Variants in STK32C observed in about 807,000 individuals in gnomAD.
The protein encoded by STK32C is serine/threonine-protein kinase 32C.
Under a neutral mutation model 56.5 loss-of-function variants are expected in STK32C, and 31 were observed. The ratio of observed to expected loss-of-function variants is 0.55; its 90% CI spans 0.41 to 0.74. The LOEUF (loss-of-function observed/expected upper bound fraction) is 0.74, where lower values mean the gene tolerates loss of function less well. Ranked by LOEUF, STK32C falls within the 30% of genes least tolerant of loss-of-function variation. STK32C has a pLI of 0.00. For synonymous variants in STK32C, 309 were observed against 289.4 expected (o/e 1.07, Z -0.69); for missense variants, 544 against 676.9 (o/e 0.80, Z 2.18).
intron 1 of STK32C, among the ~76,000 whole-genome samples, chr10:132,272,236 A>G (rs2064851010): frequency 6.6e-6 from 1 of 152,236 alleles, no homozygotes; most frequent in Non-Finnish European, 1.5e-5. Flanking sequence ...AGAAAAGATC[A>G]GGACGGAGAC....
At chr10:132,250,639 G>A (rs548672292) in intron 1 of STK32C, among the ~76,000 whole-genome samples, 83 of 151,804 alleles carry the variant, frequency 5.5e-4, no homozygotes, top group Non-Finnish European at 1.0e-3. Flanking sequence ...GAGGTGCCCG[G>A]GACAGGTCAC....
At chr10:132,213,135 C>T (rs530630523) in intron 10 of STK32C, among the ~76,000 whole-genome samples, 5 of 152,344 alleles carry the variant, frequency 3.3e-5, no homozygotes, top group African/African-American at 7.2e-5. Flanking sequence ...TGAAATACAC[C>T]CAGAGCATTC....
intron 10 of STK32C, among the ~76,000 whole-genome samples, chr10:132,210,762 A>G (rs2062268434): frequency 6.6e-6 from 1 of 152,150 alleles, no homozygotes; most frequent in African/African-American, 2.4e-5. Flanking sequence ...AGGGCTCAAC[A>G]CATTTCTTGG....
chr10:132,242,853 G>A (rs1023657274), intron 2 of STK32C, among the ~76,000 whole-genome samples: 2 of 152,102 alleles, frequency 1.3e-5, no homozygotes, highest in African/African-American at 4.8e-5. Context: ...CCAGAGGGGC[G>A]GCTCCTCCAT....
intron 1 of STK32C, among the ~76,000 whole-genome samples, chr10:132,295,042 C>T: frequency 6.6e-6 from 1 of 152,176 alleles, no homozygotes; most frequent in Non-Finnish European, 1.5e-5. Flanking sequence ...TCAGTAAACC[C>T]AGAGAAACAG....
chr10:132,214,281 C>T (rs146394793), intron 10 of STK32C, among the ~76,000 whole-genome samples: 29 of 143,258 alleles, frequency 2.0e-4, no homozygotes, highest in African/African-American at 5.7e-4. Flanking sequence ...TGGGGGGTGG[C>T]GAGGAATTCT....
chr10:132,210,618 T>A (rs890059741), intron 10 of STK32C, among the ~76,000 whole-genome samples: 1 of 152,010 alleles, frequency 6.6e-6, no homozygotes, highest in African/African-American at 2.4e-5. Context: ...ACGAACAGAG[T>A]GTGGGAGATG....
intron 2 of STK32C, among the ~76,000 whole-genome samples, chr10:132,233,680 G>A (rs1183301064): frequency 6.6e-6 from 1 of 152,250 alleles, no homozygotes; most frequent in Non-Finnish European, 1.5e-5. Flanking sequence ...TTTGTCCCAA[G>A]AGGCTGGGAA....
At position 132,307,663 on chromosome 10, in the gene STK32C, G is replaced by C; in HGVS notation, c.171C>G (p.Pro57=). Residue 57 remains proline (P), a synonymous_variant, in exon 1 of 12, where the codon CCC becomes CCG. Transcript: ENST00000298630. The surrounding 1 kb of genome is among the most constrained non-coding windows in gnomAD (Gnocchi z 4.4). ...DSGDVRSQPR[P]LFQWSKWKKR... ...TCTTCCACTTGCTCCACTGAAACAG[G>C]GGGCGCGGCTGCGAGCGGACATCGC... The C allele has an allele frequency of 6.5e-7, 1 of 1,539,236 alleles. No individual in the cohort carries two copies. Among genetic ancestry groups the C allele is most frequent in the Non-Finnish European group, 8.7e-7 (1 of 1,145,416 alleles).
intron 1 of STK32C, among the ~76,000 whole-genome samples, chr10:132,291,566 T>C (rs532243953): frequency 1.2e-4 from 19 of 152,282 alleles, no homozygotes; most frequent in African/African-American, 4.3e-4. Flanking sequence ...CCAATGGAGT[T>C]GGGCCTGGAG....
At chr10:132,312,590 T>C (rs2066242558), upstream of STK32C, among the ~76,000 whole-genome samples, 1 of 152,098 alleles carries the variant, frequency 6.6e-6, no homozygotes, top group Non-Finnish European at 1.5e-5. Flanking sequence ...CCCAAGTAAG[T>C]TCAAATCCAG....
chr10:132,209,311 C>T, intron 10 of STK32C: 1 of 709,504 alleles, frequency 1.4e-6, no homozygotes, highest in Non-Finnish European at 2.6e-6. Flanking sequence ...CCGAGGATGC[C>T]AAGGCCCAGC....
chr10:132,251,348 G>A (rs2063898496), intron 1 of STK32C, among the ~76,000 whole-genome samples: 1 of 152,200 alleles, frequency 6.6e-6, no homozygotes, highest in South Asian at 2.1e-4. Context: ...GGGCAGCCCT[G>A]GTCACCGAGG....
intron 10 of STK32C, among the ~76,000 whole-genome samples, chr10:132,212,967 G>A (rs1255416798): frequency 1.3e-5 from 2 of 152,232 alleles, no homozygotes; most frequent in African/African-American, 2.4e-5. Flanking sequence ...GGGCAGCTCT[G>A]GGGAGCGGCC....
upstream of STK32C, among the ~76,000 whole-genome samples, chr10:132,312,809 G>A (rs548840551): frequency 1.3e-5 from 2 of 152,336 alleles, no homozygotes; most frequent in African/African-American, 4.8e-5. Flanking sequence ...GGAGGCCGAG[G>A]TGGGCGGCTC....
chr10:132,291,519 T>C (rs1203145381), intron 1 of STK32C, among the ~76,000 whole-genome samples: 2 of 152,100 alleles, frequency 1.3e-5, no homozygotes, highest in African/African-American at 2.4e-5. Flanking sequence ...GGCCACCTAG[T>C]GGGAAGAAGG....
At chr10:132,270,928 A>C (rs1248251844) in intron 1 of STK32C, among the ~76,000 whole-genome samples, 1 of 147,136 alleles carries the variant, frequency 6.8e-6, no homozygotes, top group African/African-American at 2.7e-5. Flanking sequence ...CCTCCAGAGC[A>C]ACAGCCAATA....
At chr10:132,243,424 G>A (rs948253362) in intron 2 of STK32C, among the ~76,000 whole-genome samples, 1 of 152,188 alleles carries the variant, frequency 6.6e-6, no homozygotes, top group South Asian at 2.1e-4. Flanking sequence ...AGTCTATGCC[G>A]GGTAAGGGGG....
rs1443366563 is a variant in STK32C at position 132,255,595 on chromosome 10, G to A, written c.263-9640C>T. Among the ~76,000 whole-genome samples the A allele has an allele frequency of 2.0e-5, 3 of 152,220 alleles. No homozygotes were observed. Among genetic ancestry groups the A allele is most frequent in the Admixed American group, 2.0e-4 (3 of 15,288 alleles). The stretch of plus-strand genomic sequence containing the variant: ...CATAGAGCAGAAGCGTCCAGCCACA[G>A]CAGCACCCAGGAGAGGAGCAGGGGG... On this transcript the variant is annotated intron_variant, in intron 1 of 11. Coordinates refer to ENST00000298630, the MANE Select transcript of STK32C (RefSeq NM_173575.4). This position sits in a 1 kb window ranked among gnomAD's most constrained non-coding sequence, Gnocchi z 4.6.
Sources: allele counts gnomAD v4.1 joint callset (sites outside exome capture counted in the v4.1 genomes callset), GRCh38; gene constraint gnomAD v4.1.1; non-coding constraint Gnocchi (gnomAD v3.1); transcripts MANE v1.5; gene names NCBI Gene and HGNC (gene_info 2026-07-23, HGNC 2026-07-21).